COL6A6: variants seen among roughly 807,000 people sequenced by gnomAD.
The protein encoded by COL6A6 is collagen alpha-6(VI) chain.
COL6A6 carries 183 observed loss-of-function variants against 208.6 expected under a neutral mutation model. That is an observed-to-expected ratio of 0.88 (90% CI 0.78 to 0.99). The LOEUF is 0.99. Among genes scored for constraint, COL6A6 ranks in the 50% least tolerant of loss-of-function variants. The pLI is 0.00. For synonymous variants in COL6A6, 973 were observed against 1,011.8 expected (o/e 0.96, Z 0.73); for missense variants, 2,816 against 2,815.2 (o/e 1.00, Z -0.01).
At chr3:130,598,240 T>G in intron 18 of COL6A6, 125 bp from the exon 19 acceptor site, 1 of 624,210 alleles carries the variant, frequency 1.6e-6, no homozygotes. Flanking sequence ...TTTTAACCTA[T>G]TTCTGCTTTC....
Position 130,594,326 on chromosome 3 carries a change from G to C in COL6A6, c.4516G>C (p.Gly1506Arg), listed in dbSNP as rs201285773. Residue 1506 changes from glycine to arginine, a missense_variant, in exon 18 of 37, where the codon GGC becomes CGC. Physicochemically the swap from Gly to Arg is moderately radical, Grantham distance 125. Transcript: ENST00000358511. ...RGTPGDRGAK[G>R]LRGDPGAPGV... is the part of the protein sequence containing the mutation. ...GACTCCTGGTGACCGTGGAGCAAAGGGCCTGCGAGGGGATCCCGTAAGTGC... is the reference window on the plus strand; with the variant it reads ...GACTCCTGGTGACCGTGGAGCAAAGCGCCTGCGAGGGGATCCCGTAAGTGC... The C allele has an allele frequency of 4.6e-5, 74 of 1,613,332 alleles. No homozygotes were observed. The African/African-American group carries it at 9.5e-4, about 21-fold the overall frequency.
Position 130,570,927 on chromosome 3 carries a change from A to G in COL6A6, c.2511A>G (p.Lys837=), listed in dbSNP as rs2063147424. ...IMKDFMIGLV[K]KADVGKNQVR... Reference sequence around the variant, plus strand: ...AGGATTTTATGATTGGCTTAGTGAAAAAAGCTGATGTGGGCAAGAATCAGG... The same window carrying G: ...AGGATTTTATGATTGGCTTAGTGAAGAAAGCTGATGTGGGCAAGAATCAGG... The change falls in exon 7 of 37, where the codon AAA becomes AAG. Residue 837 remains lysine (K), a synonymous_variant. Coordinates refer to ENST00000358511, the MANE Select transcript of COL6A6 (RefSeq NM_001102608.3). 1 of 1,614,024 alleles carries G rather than the reference A, an allele frequency of 6.2e-7. No homozygotes were observed.
chr3:130,608,626 G>T (rs1396179322), intron 21 of COL6A6, among the ~76,000 whole-genome samples: 2 of 151,962 alleles, frequency 1.3e-5, no homozygotes, highest in African/African-American at 4.8e-5. Context: ...AATTTTATAA[G>T]AAAGGGGTGG....
intron 36 of COL6A6, among the ~76,000 whole-genome samples, chr3:130,665,973 CACA>C (rs572405209): frequency 6.5e-4 from 99 of 152,150 alleles, no homozygotes; most frequent in African/African-American, 2.3e-3. Context: ...GTGGGAGGTG[CACA>C]ACGTCACCTA....
At chr3:130,531,056 A>AGTCTCTCTCTCTCTCTCTCTCT (rs1294781159) in intron 1 of COL6A6, among the ~76,000 whole-genome samples, 29 of 28,050 alleles carry the variant, frequency 1.0e-3, no homozygotes, top group African/African-American at 2.0e-3. Flanking sequence ...ACACACACAC[A>AGTCTCTCTCTCTCTCTCTCTCT]CACAGTCTCT....
intron 36 of COL6A6, 85 bp from the exon 37 acceptor site, chr3:130,675,117 A>G: frequency 1.1e-6 from 1 of 890,782 alleles, no homozygotes; most frequent in Non-Finnish European, 1.6e-6. Flanking sequence ...GGGTGAAACA[A>G]TTAATTTACT....
chr3:130,621,976 C>A, intron 24 of COL6A6, 93 bp downstream of exon 24: 1 of 1,073,628 alleles, frequency 9.3e-7, no homozygotes, highest in Admixed American at 2.0e-5. Context: ...TCAACACAAA[C>A]AAGAACACAT....
intron 23 of COL6A6, among the ~76,000 whole-genome samples, chr3:130,616,795 A>T (rs1195193461): frequency 6.6e-6 from 1 of 152,148 alleles, no homozygotes; most frequent in East Asian, 1.9e-4. Context: ...ACTGCCTAGC[A>T]TTGATTCCTA....
intron 12 of COL6A6, 129 bp downstream of exon 12, chr3:130,589,311 CT>C (rs1472437362): frequency 3.4e-6 from 2 of 579,742 alleles, no homozygotes; most frequent in East Asian, 3.0e-5. Flanking sequence ...TATTATACTC[CT>C]CTTTTTATAT....
chr3:130,588,917 CAAAAAAAAAAA>C (rs58377635), intron 11 of COL6A6, among the ~76,000 whole-genome samples, 162 bp from the exon 12 acceptor site: 2 of 68,278 alleles, frequency 2.9e-5, no homozygotes, highest in Non-Finnish European at 6.9e-5. Context: ...AAGATGGAAG[CAAAAAAAAAAA>C]AAAAAAAAAA....
At chr3:130,572,196 G>A (rs937414275) in intron 7 of COL6A6, among the ~76,000 whole-genome samples, 1 of 152,186 alleles carries the variant, frequency 6.6e-6, no homozygotes, top group East Asian at 1.9e-4. Context: ...GTGAAGCCCA[G>A]TATTAAAAAC....
intron 1 of COL6A6, among the ~76,000 whole-genome samples, chr3:130,544,653 A>G (rs1319204352): frequency 1.3e-5 from 2 of 152,034 alleles, no homozygotes; most frequent in Non-Finnish European, 2.9e-5. Flanking sequence ...CATTCCCACC[A>G]ACAGTGTATG....
At chr3:130,542,134 T>C (rs1259354163) in intron 1 of COL6A6, among the ~76,000 whole-genome samples, 1 of 149,388 alleles carries the variant, frequency 6.7e-6, no homozygotes, top group Non-Finnish European at 1.5e-5. Context: ...TTTGTTGATT[T>C]TTTTTTTCTA....
chr3:130,627,188 C>A, intron 25 of COL6A6, 131 bp from the exon 26 acceptor site: 2 of 737,556 alleles, frequency 2.7e-6, no homozygotes, highest in South Asian at 1.7e-5. Flanking sequence ...TGGTGGCCTG[C>A]CCTAGAAGGA....
Position 130,599,742 on chromosome 3 carries a change from C to T in COL6A6, c.4600-15C>T. 1 of 1,613,500 alleles carries T rather than the reference C, an allele frequency of 6.2e-7. No individual in the cohort carries two copies. Among genetic ancestry groups the T allele is most frequent in the Admixed American group, 1.7e-5 (1 of 60,000 alleles). On this transcript the variant is annotated splice_polypyrimidine_tract_variant and intron_variant, in intron 19 of 36. Coordinates refer to ENST00000358511, the MANE Select transcript of COL6A6 (RefSeq NM_001102608.3). ...TGCATAATTACCGTCACACATCTGT[C>T]TGTTCCTTTGACAGGGCAGAAGAGG...
At chr3:130,662,367 A>G in intron 35 of COL6A6, 59 bp downstream of exon 35, 1 of 1,497,672 alleles carries the variant, frequency 6.7e-7, no homozygotes, top group Non-Finnish European at 9.0e-7. Flanking sequence ...ATTACTAAAA[A>G]AAGGTTGATG....
chr3:130,602,671 CTT>C (rs1473532056), intron 20 of COL6A6, among the ~76,000 whole-genome samples: 12 of 151,974 alleles, frequency 7.9e-5, no homozygotes. Context: ...CATTTCTATT[CTT>C]TGTTTTTTCT....
At chr3:130,648,264 T>A (rs1418221116) in intron 32 of COL6A6, among the ~76,000 whole-genome samples, 1 of 152,250 alleles carries the variant, frequency 6.6e-6, no homozygotes, top group African/African-American at 2.4e-5. Flanking sequence ...AATGTATCTG[T>A]TAAAGCTTTC....
chr3:130,654,201 C>T (rs2065725627), intron 33 of COL6A6, among the ~76,000 whole-genome samples: 1 of 152,178 alleles, frequency 6.6e-6, no homozygotes, highest in African/African-American at 2.4e-5. Flanking sequence ...TCGGAGCCTT[C>T]CATAATCCAC....
Sources: gnomAD v4.1 joint callset for allele counts (sites outside exome capture counted in the v4.1 genomes callset) on GRCh38, gnomAD v4.1.1 for gene constraint, MANE v1.5 for transcripts, NCBI Gene and HGNC (gene_info 2026-07-23, HGNC 2026-07-21) for gene names.